The following DIRAS2 variants were observed in gnomAD, a reference collection of about 807,000 sequenced individuals.
DIRAS2 encodes the protein DIRAS family GTPase 2.
A neutral mutation model predicts 13.9 loss-of-function variants in DIRAS2; 5 were observed. That is an observed-to-expected ratio of 0.36 (90% CI 0.19 to 0.76). The LOEUF is 0.76. Ranked by LOEUF, DIRAS2 falls within the 30% of genes least tolerant of loss-of-function variation. The pLI, the probability that DIRAS2 is intolerant of heterozygous loss-of-function variation, is 0.53. For synonymous variants in DIRAS2, 111 were observed against 105.4 expected (o/e 1.05, Z -0.33); for missense variants, 191 against 263.0 (o/e 0.73, Z 1.89).
chr9:90,611,125 C>T lies in DIRAS2; in HGVS notation c.*2103G>A, dbSNP rs1825108816. ...TATACCCAAATTAAAACTTGATCATCTCTCTCTCAGAATAGAAACAGAAAA... is the reference window on the plus strand; with the variant it reads ...TATACCCAAATTAAAACTTGATCATTTCTCTCTCAGAATAGAAACAGAAAA... On this transcript the variant is annotated 3_prime_UTR_variant, in exon 2 of 2. Coordinates refer to ENST00000375765, the MANE Select transcript of DIRAS2 (RefSeq NM_017594.5). 1 of 152,164 alleles carries T rather than the reference C, an allele frequency of 6.6e-6. No individual in the cohort carries two copies. Among genetic ancestry groups the T allele is most frequent in the African/African-American group, 2.4e-5 (1 of 41,436 alleles). 9.4% of individuals were successfully genotyped at this position (152,164 alleles called of 1,614,324 possible).
At chr9:90,626,058 C>G (rs896278159) in intron 1 of DIRAS2, 1 of 152,046 alleles carries the variant, frequency 6.6e-6, no homozygotes, top group African/African-American at 2.4e-5. Flanking sequence ...TGGTACGTGC[C>G]TGTAATCCCA....
chr9:90,638,154 G>A (rs2035076), intron 1 of DIRAS2, among the ~76,000 whole-genome samples: 74,414 of 151,812 alleles, frequency 0.49, 18,637 homozygotes, highest in Middle Eastern at 0.63. Context: ...TTACCTCTTC[G>A]TTTTTTATGT....
intron 1 of DIRAS2, among the ~76,000 whole-genome samples, chr9:90,632,370 C>T (rs764684544): frequency 6.6e-6 from 1 of 152,184 alleles, no homozygotes; most frequent in Non-Finnish European, 1.5e-5. Flanking sequence ...TGGTTGCTCC[C>T]ACTACCCAGA....
intron 1 of DIRAS2, among the ~76,000 whole-genome samples, chr9:90,636,505 A>G (rs1825372810): frequency 6.6e-6 from 1 of 152,334 alleles, no homozygotes; most frequent in South Asian, 2.1e-4. Flanking sequence ...AAACTTGAAT[A>G]TTTCTACAAT....
chr9:90,613,215 G>T lies in DIRAS2; in HGVS notation c.*13C>A. The T allele has an allele frequency of 3.7e-6, 6 of 1,600,534 alleles. No individual in the cohort carries two copies. The highest frequency in any genetic ancestry group is 5.1e-6 in the Non-Finnish European group (6 of 1,172,390). ...CCGGGGACACACAGCTGCTCCTCCC[G>T]CAGGAAGGGCCTTCACATGATCACG... On this transcript the variant is annotated 3_prime_UTR_variant, in exon 2 of 2. Transcript: ENST00000375765. This position sits in a 1 kb window ranked among gnomAD's most constrained non-coding sequence, Gnocchi z 5.6.
In DIRAS2 at chr9:90,624,970, T is replaced by C. The variant is rs374916396; in HGVS notation, c.-36-11107A>G. On this transcript the variant is annotated intron_variant, in intron 1 of 1. Coordinates refer to ENST00000375765, the MANE Select transcript of DIRAS2 (RefSeq NM_017594.5). ...GACTGCCCAGAGCCTAACTACACTTTGGGCATTTTCTGATTTATTCATTTT... is the reference window on the plus strand; with the variant it reads ...GACTGCCCAGAGCCTAACTACACTTCGGGCATTTTCTGATTTATTCATTTT... Among the ~76,000 whole-genome samples the C allele has an allele frequency of 4.6e-4, 70 of 152,328 alleles. No homozygotes were observed. The South Asian group carries it at 6.6e-3, about 14-fold the overall frequency.
At chr9:90,639,369 C>A (rs903242964) in intron 1 of DIRAS2, among the ~76,000 whole-genome samples, 1 of 152,120 alleles carries the variant, frequency 6.6e-6, no homozygotes, top group East Asian at 1.9e-4. Context: ...ATTGAAAATA[C>A]TCATACCAGT....
intron 1 of DIRAS2, among the ~76,000 whole-genome samples, chr9:90,628,556 T>A (rs922185186): frequency 2.6e-5 from 4 of 151,278 alleles, no homozygotes; most frequent in Admixed American, 6.6e-5. Context: ...CACACACGTA[T>A]TTTTTTTGAG....
At chr9:90,633,093 T>C (rs1363295403) in intron 1 of DIRAS2, among the ~76,000 whole-genome samples, 2 of 151,456 alleles carry the variant, frequency 1.3e-5, no homozygotes, top group African/African-American at 2.4e-5. Context: ...GGGGAAGCCA[T>C]GTGAGGAGAG....
At chr9:90,627,770 A>G (rs1216752336) in intron 1 of DIRAS2, among the ~76,000 whole-genome samples, 1 of 152,242 alleles carries the variant, frequency 6.6e-6, no homozygotes, top group Non-Finnish European at 1.5e-5. Context: ...AATTAAAGAT[A>G]ATGTCCATAA....
chr9:90,613,731 G>A lies in DIRAS2; in HGVS notation c.97C>T (p.Arg33Trp), dbSNP rs779203948. Reference sequence around the variant, plus strand: ...TCCACCGTCGGGATGTAGCTCTCCCGGAATGTGCCTTTCACAAACCTCAAC... The same window carrying A: ...TCCACCGTCGGGATGTAGCTCTCCCAGAATGTGCCTTTCACAAACCTCAAC... ...LVLRFVKGTF[R>W]ESYIPTVEDT... Residue 33 changes from arginine to tryptophan, a missense_variant, in exon 2 of 2, where the codon CGG becomes TGG. Coordinates refer to ENST00000375765, the MANE Select transcript of DIRAS2 (RefSeq NM_017594.5). The surrounding 1 kb of genome is among the most constrained non-coding windows in gnomAD (Gnocchi z 5.6). 6 of 1,614,064 alleles carry A rather than the reference G, an allele frequency of 3.7e-6. No individual in the cohort carries two copies. In the Admixed American group the frequency reaches 8.3e-5, roughly 22 times the overall value.
At chr9:90,638,838 G>A (rs1046570143) in intron 1 of DIRAS2, among the ~76,000 whole-genome samples, 3 of 151,986 alleles carry the variant, frequency 2.0e-5, no homozygotes, top group Non-Finnish European at 4.4e-5. Flanking sequence ...TTTTTGTTCC[G>A]CATCTTCTAG....
chr9:90,625,112 T>C (rs148797883), intron 1 of DIRAS2, among the ~76,000 whole-genome samples: 2 of 152,306 alleles, frequency 1.3e-5, no homozygotes, highest in African/African-American at 2.4e-5. Flanking sequence ...TGCAGGGAAA[T>C]AGTTACACAA....
chr9:90,625,895 C>A (rs967604729), intron 1 of DIRAS2: 2 of 151,992 alleles, frequency 1.3e-5, no homozygotes, highest in Non-Finnish European at 2.9e-5. Context: ...TAAAAGAGAT[C>A]CTTCTTGTCT....
At chr9:90,622,227 G>A (rs1436697243) in intron 1 of DIRAS2, among the ~76,000 whole-genome samples, 1 of 152,122 alleles carries the variant, frequency 6.6e-6, no homozygotes, top group Non-Finnish European at 1.5e-5. Flanking sequence ...ACTCCAGCCT[G>A]GGCAGCAGAG....
chr9:90,622,203 G>A (rs1444504484), intron 1 of DIRAS2, among the ~76,000 whole-genome samples: 2 of 152,142 alleles, frequency 1.3e-5, no homozygotes, highest in Non-Finnish European at 2.9e-5. Context: ...AGTGAGCTGT[G>A]ATCACACCAC....
intron 1 of DIRAS2, among the ~76,000 whole-genome samples, chr9:90,639,030 C>T (rs1334423773): frequency 6.6e-6 from 1 of 152,118 alleles, no homozygotes; most frequent in African/African-American, 2.4e-5. Flanking sequence ...ATGGAAAGTT[C>T]TTGCGTTCTT....
At chr9:90,616,736 CAAA>C (rs11422558) in intron 1 of DIRAS2, among the ~76,000 whole-genome samples, 4 of 88,474 alleles carry the variant, frequency 4.5e-5, no homozygotes, top group African/African-American at 1.3e-4. Flanking sequence ...GACTCCATCA[CAAA>C]AAAAAAAAAA....
chr9:90,636,027 C>CTTTTT (rs1172661795), intron 1 of DIRAS2, among the ~76,000 whole-genome samples: 2,236 of 66,288 alleles, frequency 0.034, 443 homozygotes, highest in East Asian at 0.047. Flanking sequence ...ACTGAATATT[C>CTTTTT]TTTTTTTTTT....
Sources: gnomAD v4.1 joint callset for allele counts (sites outside exome capture counted in the v4.1 genomes callset) on GRCh38, gnomAD v4.1.1 for gene constraint, Gnocchi (gnomAD v3.1) non-coding constraint, MANE v1.5 for transcripts, NCBI Gene and HGNC (gene_info 2026-07-23, HGNC 2026-07-21) for gene names.